The following ATG16L2 variants were observed in gnomAD, a reference collection of about 807,000 sequenced individuals.
ATG16L2 encodes the protein autophagy related 16 like 2.
A neutral mutation model predicts 84.7 loss-of-function variants in ATG16L2; 77 were observed. The ratio of observed to expected loss-of-function variants is 0.91; its 90% CI spans 0.76 to 1.10. ATG16L2 has a LOEUF of 1.10. ATG16L2 is among the 50% of genes least tolerant of loss of function. The pLI is 0.00. For synonymous variants in ATG16L2, 361 were observed against 342.8 expected (o/e 1.05, Z -0.59); for missense variants, 782 against 817.6 (o/e 0.96, Z 0.53).
chr11:72,819,871 G>A (rs554287127), intron 3 of ATG16L2, among the ~76,000 whole-genome samples: 1 of 151,556 alleles, frequency 6.6e-6, no homozygotes, highest in Non-Finnish European at 1.5e-5. Flanking sequence ...TCAGCCTCCC[G>A]AGTAGCTGGG....
chr11:72,837,068 G>A (rs951441586), intron 5 of ATG16L2: 2 of 152,154 alleles, frequency 1.3e-5, no homozygotes, highest in African/African-American at 2.4e-5. Flanking sequence ...ACAAGACTGG[G>A]TGGCAAGAAC....
chr11:72,835,078 A>G (rs530805207), intron 5 of ATG16L2, among the ~76,000 whole-genome samples: 1 of 152,316 alleles, frequency 6.6e-6, no homozygotes, highest in South Asian at 2.1e-4. Flanking sequence ...TGCATCATGC[A>G]TCAAGTCAGT....
At chr11:72,817,649 C>T (rs543279116) in intron 2 of ATG16L2, 107 bp from the exon 3 acceptor site, 31 of 1,082,662 alleles carry the variant, frequency 2.9e-5, no homozygotes, top group East Asian at 1.0e-4. Flanking sequence ...CTTCCCAGGA[C>T]GAAGTTAATG....
At chr11:72,841,675 T>G in intron 5 of ATG16L2, 12 of 1,313,020 alleles carry the variant, frequency 9.1e-6, no homozygotes, top group Non-Finnish European at 1.1e-5. Flanking sequence ...ATGCCTTTTC[T>G]CTAAAGCTAA....
intron 5 of ATG16L2, chr11:72,840,912 GC>G (rs1565280681): frequency 1.2e-6 from 2 of 1,613,264 alleles, no homozygotes. Context: ...TCAGGAGTAT[GC>G]CTTGATGCCT....
intron 8 of ATG16L2, chr11:72,824,454 A>G: frequency 1.8e-6 from 1 of 562,022 alleles, no homozygotes; most frequent in Non-Finnish European, 3.2e-6. Context: ...CACAGAGCCA[A>G]GCAGTGGCAA....
intron 3 of ATG16L2, 79 bp downstream of exon 3, chr11:72,817,934 T>TTGCTGAA: frequency 8.0e-7 from 1 of 1,252,242 alleles, no homozygotes; most frequent in Admixed American, 2.1e-5. Context: ...ACTCCTGTGT[T>TTGCTGAA]TGCTGAATTC....
chr11:72,841,934 G>T (rs891661195), intron 5 of ATG16L2, among the ~76,000 whole-genome samples: 4 of 152,142 alleles, frequency 2.6e-5, no homozygotes, highest in African/African-American at 9.7e-5. Flanking sequence ...TGGATTTTTT[G>T]GGGTGAAGAT....
intron 13 of ATG16L2, 147 bp downstream of exon 13, chr11:72,826,970 A>G: frequency 1.0e-6 from 1 of 991,074 alleles, no homozygotes; most frequent in Non-Finnish European, 1.5e-6. Flanking sequence ...CCAATTCCCT[A>G]ATGGTATCCC....
chr11:72,825,223 C>A lies in ATG16L2; in HGVS notation c.997-79C>A, dbSNP rs1016399592. On this transcript the variant is annotated intron_variant, in intron 9 of 17. Transcript: ENST00000321297. ...CTGCAGCAGGCTGTGTCTGCACAGG[C>A]ACCGGTAAGAGGGCCCGTGAGCACT... 5 of 1,090,658 alleles carry A rather than the reference C, an allele frequency of 4.6e-6. No individual in the cohort carries two copies. The Admixed American group carries it at 7.1e-5, about 16-fold the overall frequency. The allele number at this position is 1,090,658 out of a possible 1,614,324, so 67.6% of individuals were successfully genotyped here. A position where few individuals can be genotyped will look rare whatever the true frequency, so the allele number is the denominator to read the frequency against.
In ATG16L2 at chr11:72,828,499, A is replaced by G. The variant is rs767870522; in HGVS notation, c.1613A>G (p.Gln538Arg). 2.5e-6 allele frequency: 4 copies of G among 1,614,050 alleles called. No individual in the cohort carries two copies. The African/African-American group carries it at 5.3e-5, about 22-fold the overall frequency. The part of the protein sequence containing the change: ...VIDLRVSNIR[Q>R]VFRADGFKCG... ...GACCTGCGTGTCAGCAACATCCGCCAGGTGTTCAGGTACCAGCCTCATGCC... is the reference window on the plus strand; with the variant it reads ...GACCTGCGTGTCAGCAACATCCGCCGGGTGTTCAGGTACCAGCCTCATGCC... Residue 538 changes from glutamine (Q) to arginine (R), a missense_variant, in exon 15 of 18, where the codon CAG becomes CGG. Gln to Arg is a conservative substitution (Grantham distance 43, BLOSUM62 1). Transcript: ENST00000321297.
At position 72,821,652 on chromosome 11, in the gene ATG16L2, A is replaced by T. The variant is rs774997715; in HGVS notation, c.319-16A>T. The T allele has an allele frequency of 1.0e-4, 157 of 1,531,568 alleles. No individual in the cohort carries two copies. The highest frequency in any genetic ancestry group is 9.3e-4 in the Admixed American group (47 of 50,556). The allele number at this position is 1,531,568 out of a possible 1,614,324, so 94.9% of individuals were successfully genotyped here. ...GAGGGGCCTCAGCGCCGCCGTGCCCACCTGTCCGCCCCCAGATGGCCTACC... is the reference window on the plus strand; with the variant it reads ...GAGGGGCCTCAGCGCCGCCGTGCCCTCCTGTCCGCCCCCAGATGGCCTACC... On this transcript the variant is annotated splice_polypyrimidine_tract_variant and intron_variant, in intron 3 of 17. Coordinates refer to ENST00000321297, the MANE Select transcript of ATG16L2 (RefSeq NM_033388.2).
chr11:72,815,653 A>G (rs1859662231), intron 1 of ATG16L2, among the ~76,000 whole-genome samples: 1 of 152,166 alleles, frequency 6.6e-6, no homozygotes, highest in South Asian at 2.1e-4. Context: ...AATTGGGTAT[A>G]GAGACCTTCT....
In ATG16L2 at chr11:72,824,001, C is replaced by A. The variant is rs1057301808; in HGVS notation, c.825-59C>A. On this transcript the variant is annotated intron_variant, in intron 7 of 17. Coordinates refer to ENST00000321297, the MANE Select transcript of ATG16L2 (RefSeq NM_033388.2). ...TCTGGCAAAGTGTGGAGATGATGGA[C>A]AGCCATTTGTACACACACCAGCCAG... 12 of 1,585,358 alleles carry A rather than the reference C, an allele frequency of 7.6e-6. No individual in the cohort carries two copies. The African/African-American group carries it at 1.2e-4, about 16-fold the overall frequency.
At chr11:72,823,881 G>A (rs929725612) in intron 7 of ATG16L2, 179 bp from the exon 8 acceptor site, 41 of 781,612 alleles carry the variant, frequency 5.2e-5, no homozygotes, top group Middle Eastern at 2.2e-4. Flanking sequence ...TTGCTGCCCC[G>A]ACCTTCCTGG....
At chr11:72,831,586 T>G (rs1358772930), downstream of ATG16L2, among the ~76,000 whole-genome samples, 4 of 152,166 alleles carry the variant, frequency 2.6e-5, no homozygotes, top group African/African-American at 9.6e-5. Context: ...TCTTCGATAC[T>G]CAGCCTTCTA....
intron 5 of ATG16L2, chr11:72,837,882 G>C (rs1860781689): frequency 1.3e-5 from 2 of 152,206 alleles, no homozygotes; most frequent in African/African-American, 4.8e-5. Flanking sequence ...GGCGTCCCCA[G>C]TAGAGAAGCT....
At chr11:72,821,770 C>T (rs1052648243) in intron 4 of ATG16L2, 29 bp downstream of exon 4, 14 of 1,525,114 alleles carry the variant, frequency 9.2e-6, no homozygotes, top group South Asian at 2.4e-5. Context: ...CGGGAGGGAC[C>T]GCGCCCACCT....
chr11:72,840,954 T>G, intron 5 of ATG16L2: 2 of 1,611,936 alleles, frequency 1.2e-6, no homozygotes, highest in South Asian at 2.2e-5. Context: ...GCATGAAGGC[T>G]TTTTTCTAAG....
Sources: gnomAD v4.1 joint callset for allele counts (sites outside exome capture counted in the v4.1 genomes callset) on GRCh38, gnomAD v4.1.1 for gene constraint, MANE v1.5 for transcripts, NCBI Gene and HGNC (gene_info 2026-07-23, HGNC 2026-07-21) for gene names.